The following FBLN2 variants were observed in gnomAD, a reference collection of about 807,000 sequenced individuals.
The protein encoded by FBLN2 is fibulin 2, also known as fibulin-2.
In FBLN2, 81 loss-of-function variants were observed where a neutral mutation model predicts 123.7. That is an observed-to-expected ratio of 0.65 (90% CI 0.55 to 0.79). The LOEUF is 0.79. Ranked by LOEUF, FBLN2 falls within the 30% of genes least tolerant of loss-of-function variation. The pLI is 0.00. For synonymous variants in FBLN2, 699 were observed against 701.4 expected (o/e 1.00, Z 0.05); for missense variants, 1,603 against 1,681.3 (o/e 0.95, Z 0.81).
At chr3:13,604,315 A>G (rs1027028881) in intron 2 of FBLN2, among the ~76,000 whole-genome samples, 13 of 152,258 alleles carry the variant, frequency 8.5e-5, no homozygotes, top group African/African-American at 1.4e-4. Context: ...GCCCATGCCT[A>G]TGTCCTGAAT....
chr3:13,584,474 G>A (rs1704434449), intron 2 of FBLN2, among the ~76,000 whole-genome samples: 1 of 152,210 alleles, frequency 6.6e-6, no homozygotes, highest in Non-Finnish European at 1.5e-5. Flanking sequence ...GCTACATGGA[G>A]GGCTGAGGGC....
intron 2 of FBLN2, among the ~76,000 whole-genome samples, chr3:13,584,590 T>C (rs1704438766): frequency 6.6e-6 from 1 of 152,198 alleles, no homozygotes; most frequent in African/African-American, 2.4e-5. Flanking sequence ...GGAGTAGCCG[T>C]GGCCATAGGT....
chr3:13,613,730 A>G (rs1346368682), intron 4 of FBLN2, among the ~76,000 whole-genome samples: 1 of 152,174 alleles, frequency 6.6e-6, no homozygotes, highest in East Asian at 1.9e-4. Context: ...GGGGATAATG[A>G]GTGTGGCTGG....
At chr3:13,609,066 G>GT (rs1324216236) in intron 3 of FBLN2, among the ~76,000 whole-genome samples, 14 of 152,188 alleles carry the variant, frequency 9.2e-5, no homozygotes, top group Admixed American at 9.2e-4. Context: ...CCTGTCCCCC[G>GT]TAATCCCCGC....
rs779183201 is a variant in FBLN2, at chr3:13,618,160, A to G, written c.1814A>G (p.Gln605Arg). ...ELPNSLPGDD[Q>R]DECLLLPGEL... ...CCGAACAGCCTGCCGGGCGATGACC[A>G]GGATGAGTGCCTTCTCCTCCCGGGA... Residue 605 changes from glutamine to arginine, a missense_variant, in exon 6 of 18, where the codon CAG becomes CGG. By Grantham distance (43) the Gln-to-Arg change is conservative. Coordinates refer to ENST00000404922, the MANE Select transcript of FBLN2 (RefSeq NM_001004019.2). The G allele has an allele frequency of 1.9e-6, 3 of 1,613,760 alleles. No individual in the cohort carries two copies. Among genetic ancestry groups the G allele is most frequent in the Middle Eastern group, 1.6e-4 (1 of 6,062 alleles).
intron 2 of FBLN2, among the ~76,000 whole-genome samples, chr3:13,595,276 G>T (rs937178376): frequency 8.5e-5 from 13 of 152,154 alleles, no homozygotes; most frequent in African/African-American, 2.9e-4. Flanking sequence ...TGCAGAAGCC[G>T]GTGCTGAGGG....
At chr3:13,593,199 T>A (rs1011106752) in intron 2 of FBLN2, among the ~76,000 whole-genome samples, 2 of 152,250 alleles carry the variant, frequency 1.3e-5, no homozygotes, top group Non-Finnish European at 2.9e-5. Flanking sequence ...GATGGCAATA[T>A]TCACACTGAA....
intron 1 of FBLN2, among the ~76,000 whole-genome samples, chr3:13,560,532 A>G (rs1269552386): frequency 6.6e-6 from 1 of 152,148 alleles, no homozygotes; most frequent in African/African-American, 2.4e-5. Flanking sequence ...AGAAAGGACC[A>G]CAGACCTCTC....
At chr3:13,576,548 A>C (rs111686808) in intron 2 of FBLN2, among the ~76,000 whole-genome samples, 109 of 152,298 alleles carry the variant, frequency 7.2e-4, no homozygotes, top group African/African-American at 2.6e-3. Flanking sequence ...GGGGAGGGGG[A>C]TGAGTGAAGG....
At chr3:13,609,686 G>GT in intron 4 of FBLN2, 44 bp downstream of exon 4, 2 of 522,018 alleles carry the variant, frequency 3.8e-6, no homozygotes, top group African/African-American at 2.0e-5. Context: ...GGGTGGGGCG[G>GT]GGCGGGAGGC....
intron 9 of FBLN2, among the ~76,000 whole-genome samples, chr3:13,622,296 G>A (rs1410397251): frequency 6.6e-6 from 1 of 152,214 alleles, no homozygotes; most frequent in East Asian, 1.9e-4. Context: ...CGTGGCCTTG[G>A]ATGAATGACT....
At chr3:13,587,055 G>T (rs1704529860) in intron 2 of FBLN2, among the ~76,000 whole-genome samples, 2 of 149,344 alleles carry the variant, frequency 1.3e-5, no homozygotes, top group African/African-American at 4.9e-5. Context: ...TGAGGTAGGA[G>T]AATCGCTTGA....
rs1706231112 is a variant in FBLN2, at chr3:13,630,835, G to C, written c.3085+20G>C. ...GCACAGGTACCTCTCCCCTGTCCAAGGGCCCCCTTCCAGAGAGTCACTCCT... is the reference window on the plus strand; with the variant it reads ...GCACAGGTACCTCTCCCCTGTCCAACGGCCCCCTTCCAGAGAGTCACTCCT... On this transcript the variant is annotated intron_variant, in intron 15 of 17. Transcript: ENST00000404922. 1 of 1,554,172 alleles carries C rather than the reference G, an allele frequency of 6.4e-7. No individual in the cohort carries two copies. The highest frequency in any genetic ancestry group is 1.8e-5 in the Admixed American group (1 of 54,484).
intron 9 of FBLN2, among the ~76,000 whole-genome samples, chr3:13,622,832 C>T (rs1046552803): frequency 1.9e-4 from 29 of 152,214 alleles, no homozygotes; most frequent in Admixed American, 9.8e-4. Flanking sequence ...TCAGGGCAGA[C>T]GGTGGTAAAT....
rs1434121202 is a variant in FBLN2 at position 13,570,334 on chromosome 3, C to G, written c.-22C>G. On this transcript the variant is annotated 5_prime_UTR_variant, in exon 2 of 18. Coordinates refer to ENST00000404922, the MANE Select transcript of FBLN2 (RefSeq NM_001004019.2). ...CCCCAGGGTCTTACAGGAGAGGGGA[C>G]CGTCCTGGGCTGGCCTGGACCATGG... 2 of 1,502,080 alleles carry G rather than the reference C, an allele frequency of 1.3e-6. No homozygotes were observed. The allele number at this position is 1,502,080 out of a possible 1,614,324, so 93.0% of individuals were successfully genotyped here.
chr3:13,585,144 G>C (rs994425804), intron 2 of FBLN2, among the ~76,000 whole-genome samples: 1 of 152,190 alleles, frequency 6.6e-6, no homozygotes, highest in African/African-American at 2.4e-5. Flanking sequence ...CTTGGCTGGT[G>C]GGGGCATGGC....
intron 2 of FBLN2, among the ~76,000 whole-genome samples, chr3:13,598,452 C>T (rs987484253): frequency 2.6e-5 from 4 of 152,168 alleles, no homozygotes; most frequent in Admixed American, 6.5e-5. Flanking sequence ...ATCTTGTGAC[C>T]CTGGTAGCAT....
rs1191545248 is a variant in FBLN2 at position 13,619,076 on chromosome 3, G to C, written c.2053+59G>C. 6.8e-6 allele frequency: 9 copies of C among 1,326,028 alleles called. No individual in the cohort carries two copies. The African/African-American group carries it at 8.7e-5, about 13-fold the overall frequency. 82.1% of individuals were successfully genotyped at this position (1,326,028 alleles called of 1,614,324 possible). A position where few individuals can be genotyped will look rare whatever the true frequency, so the allele number is the denominator to read the frequency against. ...CCCAGGGTCCAGGGGGTGGGTCTGGGCTGCTTGCAGGTGGTGAGCTGTCTG... is the reference window on the plus strand; with the variant it reads ...CCCAGGGTCCAGGGGGTGGGTCTGGCCTGCTTGCAGGTGGTGAGCTGTCTG... On this transcript the variant is annotated intron_variant, in intron 7 of 17. Coordinates refer to ENST00000404922, the MANE Select transcript of FBLN2 (RefSeq NM_001004019.2).
chr3:13,561,203 G>T (rs1357983575), intron 1 of FBLN2, among the ~76,000 whole-genome samples: 1 of 152,126 alleles, frequency 6.6e-6, no homozygotes, highest in East Asian at 1.9e-4. Flanking sequence ...ACCAGGTTTT[G>T]TACTTTATGA....
Sources: gnomAD v4.1 joint callset for allele counts (sites outside exome capture counted in the v4.1 genomes callset) on GRCh38, gnomAD v4.1.1 for gene constraint, MANE v1.5 for transcripts, NCBI Gene and HGNC (gene_info 2026-07-23, HGNC 2026-07-21) for gene names.